CSMD1: variants seen among roughly 807,000 people sequenced by gnomAD.
The protein encoded by CSMD1 is CUB and Sushi multiple domains 1.
A neutral mutation model predicts 417.5 loss-of-function variants in CSMD1; 213 were observed. The ratio of observed to expected loss-of-function variants is 0.51; its 90% CI spans 0.46 to 0.57. The LOEUF (loss-of-function observed/expected upper bound fraction) is 0.57, where lower values mean the gene tolerates loss of function less well. Ranked by LOEUF, CSMD1 falls within the 20% of genes least tolerant of loss-of-function variation. The probability of loss-of-function intolerance (pLI) is 0.00; values close to 1 mark genes in which losing one functional copy is unlikely to be tolerated. For missense variants in CSMD1, 6,923 were observed against 4,529.7 expected, an observed-to-expected ratio of 1.53 and a Z score of -15.17; for synonymous variants, 2,862 against 1,736.8, an observed-to-expected ratio of 1.65 and a Z score of -16.11.
chr8:3,412,518 T>C (rs1029761291), intron 12 of CSMD1, among the ~76,000 whole-genome samples: 2 of 152,162 alleles, frequency 1.3e-5, no homozygotes, highest in African/African-American at 4.8e-5. Context: ...GAAGTGAAGT[T>C]TGATACATTA....
intron 3 of CSMD1, among the ~76,000 whole-genome samples, chr8:4,297,095 C>CTT (rs76984692): frequency 1 from 151,955 of 152,250 alleles, 75,830 homozygotes; most frequent in Middle Eastern, 1. Flanking sequence ...TGGGGAGACT[C>CTT]TAGAGCATCG....
intron 3 of CSMD1, among the ~76,000 whole-genome samples, chr8:4,368,191 T>A (rs1225566774): frequency 6.6e-6 from 1 of 152,166 alleles, no homozygotes; most frequent in Non-Finnish European, 1.5e-5. Context: ...TGTTGAGGGT[T>A]TTTAACATGA....
At chr8:2,975,542 T>C (rs1397653751) in intron 55 of CSMD1, among the ~76,000 whole-genome samples, 1 of 152,134 alleles carries the variant, frequency 6.6e-6, no homozygotes, top group Non-Finnish European at 1.5e-5. Context: ...CCCTGAGTCA[T>C]ATCAGCCGTC....
intron 1 of CSMD1, among the ~76,000 whole-genome samples, chr8:4,832,760 CT>C (rs1800228974): frequency 6.6e-6 from 1 of 152,134 alleles, no homozygotes; most frequent in Admixed American, 6.5e-5. Context: ...ATTGGATCAA[CT>C]CTTAGAACCA....
At chr8:4,537,206 ATAT>A (rs1485241315) in intron 2 of CSMD1, among the ~76,000 whole-genome samples, 1 of 152,220 alleles carries the variant, frequency 6.6e-6, no homozygotes, top group Non-Finnish European at 1.5e-5. Context: ...TTAAAGGGAA[ATAT>A]AATTTAAAAT....
chr8:3,553,140 G>C (rs879479234), intron 10 of CSMD1, among the ~76,000 whole-genome samples: 1 of 148,832 alleles, frequency 6.7e-6, no homozygotes, highest in East Asian at 2.0e-4. Flanking sequence ...AAAAAAGAAA[G>C]GAAAGACCTA....
At chr8:4,750,117 T>C (rs1476368243) in intron 1 of CSMD1, among the ~76,000 whole-genome samples, 6 of 152,206 alleles carry the variant, frequency 3.9e-5, no homozygotes, top group South Asian at 2.1e-4. Flanking sequence ...CCCATTCTCC[T>C]GCCTCAGCCT....
chr8:3,467,118 T>C (rs1245248980), intron 12 of CSMD1, among the ~76,000 whole-genome samples: 1 of 152,144 alleles, frequency 6.6e-6, no homozygotes, highest in East Asian at 1.9e-4. Context: ...AAAATGTAAT[T>C]ATAATTAATG....
chr8:4,640,199 C>T (rs1803107256), intron 1 of CSMD1, among the ~76,000 whole-genome samples: 3 of 152,168 alleles, frequency 2.0e-5, no homozygotes, highest in South Asian at 2.1e-4. Context: ...GAATGAGTCA[C>T]ATTTGATCCA....
intron 1 of CSMD1, among the ~76,000 whole-genome samples, chr8:4,677,944 GA>G (rs536581426): frequency 6.6e-6 from 1 of 151,764 alleles, no homozygotes; most frequent in Non-Finnish European, 1.5e-5. Flanking sequence ...TAAAACACTA[GA>G]AAAAAAATGA....
At chr8:4,862,092 A>G (rs1286481269) in intron 1 of CSMD1, among the ~76,000 whole-genome samples, 1 of 152,080 alleles carries the variant, frequency 6.6e-6, no homozygotes, top group Non-Finnish European at 1.5e-5. Flanking sequence ...CTTCTGATCC[A>G]AGAAGGAAGG....
intron 3 of CSMD1, among the ~76,000 whole-genome samples, chr8:4,279,718 T>C (rs146356911): frequency 5.3e-5 from 8 of 152,306 alleles, no homozygotes; most frequent in African/African-American, 7.2e-5. Flanking sequence ...TTGTCATTCA[T>C]TGCAATTTTC....
At chr8:3,307,152 C>G (rs564701811) in intron 25 of CSMD1, among the ~76,000 whole-genome samples, 14 of 152,230 alleles carry the variant, frequency 9.2e-5, no homozygotes, top group African/African-American at 3.4e-4. Context: ...TGAGTCTTGC[C>G]TAGCCCATGA....
At chr8:4,715,694 G>A (rs929032140) in intron 1 of CSMD1, among the ~76,000 whole-genome samples, 1 of 151,974 alleles carries the variant, frequency 6.6e-6, no homozygotes, top group African/African-American at 2.4e-5. Context: ...CCTTCTAGGC[G>A]TTCAACTCAA....
At chr8:3,997,792 A>T (rs1453486923) in intron 5 of CSMD1, 111 bp downstream of exon 5, 19 of 941,548 alleles carry the variant, frequency 2.0e-5, no homozygotes, top group Non-Finnish European at 1.6e-6. Flanking sequence ...AAAAAGGAAC[A>T]CACATGCTTG....
chr8:4,707,139 G>C (rs903621995), intron 1 of CSMD1, among the ~76,000 whole-genome samples: 1 of 152,174 alleles, frequency 6.6e-6, no homozygotes, highest in Non-Finnish European at 1.5e-5. Context: ...CTGTTACAGT[G>C]ATCTGGGTGA....
intron 3 of CSMD1, among the ~76,000 whole-genome samples, chr8:4,037,235 A>G (rs746683262): frequency 3.9e-5 from 6 of 152,226 alleles, no homozygotes; most frequent in African/African-American, 7.2e-5. Flanking sequence ...GACAAGTAAT[A>G]TGACATAGGA....
chr8:4,904,419 T>C (rs1805101428), intron 1 of CSMD1, among the ~76,000 whole-genome samples: 1 of 152,136 alleles, frequency 6.6e-6, no homozygotes, highest in Non-Finnish European at 1.5e-5. Flanking sequence ...ACAACTTATA[T>C]CTCACAAATA....
At chr8:4,620,158 G>A (rs1167662944) in intron 2 of CSMD1, among the ~76,000 whole-genome samples, 1 of 151,740 alleles carries the variant, frequency 6.6e-6, no homozygotes, top group South Asian at 2.1e-4. Flanking sequence ...GGACTATAAA[G>A]ATATGTCTCC....
Sources: gnomAD v4.1 joint callset for allele counts (sites outside exome capture counted in the v4.1 genomes callset) on GRCh38, gnomAD v4.1.1 for gene constraint, MANE v1.5 for transcripts, NCBI Gene and HGNC (gene_info 2026-07-23, HGNC 2026-07-21) for gene names.